Variants in MAP2K5 observed in about 807,000 individuals in gnomAD.
MAP2K5 encodes dual specificity mitogen-activated protein kinase kinase 5.
In MAP2K5, 49 loss-of-function variants were observed where a neutral mutation model predicts 83.1. That is an observed-to-expected ratio of 0.59 (90% confidence interval 0.47 to 0.75). MAP2K5 has a LOEUF of 0.75. Ranked by LOEUF, MAP2K5 falls within the 30% of genes least tolerant of loss-of-function variation. MAP2K5 has a pLI of 0.00. For synonymous variants in MAP2K5, 202 were observed against 191.8 expected (o/e 1.05, Z -0.44); for missense variants, 457 against 557.5 (o/e 0.82, Z 1.82).
chr15:67,579,618 A>G (rs1249109902), intron 3 of MAP2K5, among the ~76,000 whole-genome samples: 2 of 152,110 alleles, frequency 1.3e-5, no homozygotes, highest in Non-Finnish European at 2.9e-5. Flanking sequence ...ATTTGTTATT[A>G]GTGCGAACAG....
At chr15:67,645,471 G>C (rs1476149161) in intron 9 of MAP2K5, among the ~76,000 whole-genome samples, 1 of 152,168 alleles carries the variant, frequency 6.6e-6, no homozygotes, top group Non-Finnish European at 1.5e-5. Context: ...GCATGAGACT[G>C]TGTCTCTAAA....
At chr15:67,553,415 T>C (rs1283481988) in intron 2 of MAP2K5, among the ~76,000 whole-genome samples, 5 of 152,236 alleles carry the variant, frequency 3.3e-5, no homozygotes, top group African/African-American at 9.6e-5. Flanking sequence ...CCCATCTTCA[T>C]GTGGGCCAGT....
rs1286272860 is a variant in MAP2K5, at chr15:67,559,804, C to T, written c.185-3479C>T. On this transcript the variant is annotated intron_variant, in intron 2 of 21. Coordinates refer to ENST00000178640, the MANE Select transcript of MAP2K5 (RefSeq NM_145160.3). The surrounding 1 kb of genome is among the most constrained non-coding windows in gnomAD (Gnocchi z 4.7). The stretch of plus-strand genomic sequence containing the variant: ...TATCAGATCTGTCTGCTCCCCTACC[C>T]CCACCCCTTTTGTTGGTCATATCCG... 6.6e-6 allele frequency among the ~76,000 whole-genome samples: 1 copy of T among 152,130 alleles called. No individual in the cohort carries two copies. Among genetic ancestry groups the T allele is most frequent in the Non-Finnish European group, 1.5e-5 (1 of 68,016 alleles).
intron 8 of MAP2K5, among the ~76,000 whole-genome samples, chr15:67,605,549 T>G (rs1179216634): frequency 6.6e-6 from 1 of 152,244 alleles, no homozygotes; most frequent in Non-Finnish European, 1.5e-5. Context: ...TTTTTAATCC[T>G]AATTTATTTT....
At position 67,720,261 on chromosome 15, in the gene MAP2K5, T is replaced by TAC. The variant is rs1295957765; in HGVS notation, c.1045-7647_1045-7646dup. 1.3e-5 allele frequency among the ~76,000 whole-genome samples: 2 copies of TAC among 151,966 alleles called. No homozygotes were observed. The highest frequency in any genetic ancestry group is 4.8e-5 in the African/African-American group (2 of 41,326). ...ACAAACATAAACACACGCATATATA[T>TAC]ACACACACATATGCTTATATATACA... On this transcript the variant is annotated intron_variant, in intron 16 of 21. Coordinates refer to ENST00000178640, the MANE Select transcript of MAP2K5 (RefSeq NM_145160.3). The surrounding 1 kb of genome is among the most constrained non-coding windows in gnomAD (Gnocchi z 5.7).
chr15:67,769,927 A>T lies in MAP2K5; in HGVS notation c.1196+264A>T. 1 of 347,528 alleles carries T rather than the reference A, an allele frequency of 2.9e-6. No homozygotes were observed. Among genetic ancestry groups the T allele is most frequent in the Non-Finnish European group, 5.2e-6 (1 of 191,376 alleles). 21.5% of individuals were successfully genotyped at this position (347,528 alleles called of 1,614,324 possible). A position where few individuals can be genotyped will look rare whatever the true frequency, so the allele number is the denominator to read the frequency against. On this transcript the variant is annotated intron_variant, in intron 20 of 21. Coordinates refer to ENST00000178640, the MANE Select transcript of MAP2K5 (RefSeq NM_145160.3). This position sits in a 1 kb window ranked among gnomAD's most constrained non-coding sequence, Gnocchi z 5.2. The stretch of plus-strand genomic sequence containing the variant: ...AGTCATGATACTTCTTTAAGCACAA[A>T]TACTGTTGCCATCCTTTTTTAAAAA...
At position 67,775,297 on chromosome 15, in the gene MAP2K5, G is replaced by T. The variant is rs2090217563; in HGVS notation, c.1242+2545G>T. Among the ~76,000 whole-genome samples the T allele has an allele frequency of 6.6e-6, 1 of 152,158 alleles. No homozygotes were observed. Among genetic ancestry groups the T allele is most frequent in the Non-Finnish European group, 1.5e-5 (1 of 68,022 alleles). On this transcript the variant is annotated intron_variant, in intron 21 of 21. Transcript: ENST00000178640. The surrounding 1 kb of genome is among the most constrained non-coding windows in gnomAD (Gnocchi z 5.3). ...TTTATCCCCTCTACTTTGTATGGTT[G>T]TTCTTATGATGGTTTTCGGTCTTTA... is the stretch of plus-strand genomic sequence containing the variant.
At position 67,777,522 on chromosome 15, in the gene MAP2K5, A is replaced by G. The variant is rs75283379; in HGVS notation, c.1242+4770A>G. On this transcript the variant is annotated intron_variant, in intron 21 of 21. Coordinates refer to ENST00000178640, the MANE Select transcript of MAP2K5 (RefSeq NM_145160.3). The surrounding 1 kb of genome is among the most constrained non-coding windows in gnomAD (Gnocchi z 6.0). ...ATTCTCCCCCTCCTTTGTAGCATGCACTTCGGCTGTGGTAAAAGTACGTAT... is the reference window on the plus strand; with the variant it reads ...ATTCTCCCCCTCCTTTGTAGCATGCGCTTCGGCTGTGGTAAAAGTACGTAT... 0.012 allele frequency among the ~76,000 whole-genome samples: 1,774 copies of G among 152,308 alleles called. 10 individuals carry two copies. Among genetic ancestry groups the G allele is most frequent in the Middle Eastern group, 0.02 (6 of 294 alleles).
intron 8 of MAP2K5, among the ~76,000 whole-genome samples, chr15:67,621,884 G>C (rs1296061608): frequency 1.3e-5 from 2 of 152,126 alleles, no homozygotes; most frequent in Non-Finnish European, 2.9e-5. Flanking sequence ...TGCTAACTCT[G>C]TGAAGAATAA....
chr15:67,646,413 T>C lies in MAP2K5; in HGVS notation c.680T>C (p.Phe227Ser). 1 of 1,602,796 alleles carries C rather than the reference T, an allele frequency of 6.2e-7. No homozygotes were observed. Among genetic ancestry groups the C allele is most frequent in the Non-Finnish European group, 8.5e-7 (1 of 1,171,474 alleles). ...TGCGATTCATCATATATCATTGGAT[T>C]TTATGGAGCATTTTTTGTAGAAAAC... Reference protein sequence around the residue: ...YKCDSSYIIGFYGAFFVENRI... With the variant: ...YKCDSSYIIGSYGAFFVENRI... The change falls in exon 11 of 22, where the codon TTT becomes TCT. Residue 227 changes from phenylalanine to serine, a missense_variant. Around this residue, in one of 3 missense-constraint regions of MAP2K5, gnomAD observed 168 missense variants for 263.0 expected, o/e 0.64. Transcript: ENST00000178640.
intron 16 of MAP2K5, among the ~76,000 whole-genome samples, chr15:67,706,264 A>G (rs567142315): frequency 2.0e-5 from 3 of 152,332 alleles, no homozygotes; most frequent in African/African-American, 7.2e-5. Context: ...CCATTGATAT[A>G]TTTGGGTTCT....
At chr15:67,713,501 C>T (rs955846608) in intron 16 of MAP2K5, among the ~76,000 whole-genome samples, 1 of 152,164 alleles carries the variant, frequency 6.6e-6, no homozygotes, top group Non-Finnish European at 1.5e-5. Context: ...TTTGGAAGGC[C>T]GAGGCGGGTT....
In MAP2K5 at chr15:67,717,319, CT is replaced by C. The variant is rs2088850453; in HGVS notation, c.1045-10596del. On this transcript the variant is annotated intron_variant, in intron 16 of 21. Transcript: ENST00000178640. The surrounding 1 kb of genome is among the most constrained non-coding windows in gnomAD (Gnocchi z 4.1). ...ATTAAAAAGAAACACAAATATTAACCTAATCTCCAGTATGTCTACTGTAATA... is the reference window on the plus strand; with the variant it reads ...ATTAAAAAGAAACACAAATATTAACCAATCTCCAGTATGTCTACTGTAATA... Among the ~76,000 whole-genome samples, 1 of 152,168 alleles carries C rather than the reference CT, an allele frequency of 6.6e-6. No individual in the cohort carries two copies. Among genetic ancestry groups the C allele is most frequent in the Non-Finnish European group, 1.5e-5 (1 of 68,028 alleles).
In MAP2K5 at chr15:67,802,784, G is replaced by A. The variant is rs1026733; in HGVS notation, c.1243-3862G>A. 0.39 allele frequency among the ~76,000 whole-genome samples: 59,106 copies of A among 152,120 alleles called. 12,312 individuals carry two copies. Among genetic ancestry groups the A allele is most frequent in the East Asian group, 0.7 (3,591 of 5,156 alleles). On this transcript the variant is annotated intron_variant, in intron 21 of 21. Transcript: ENST00000178640. The surrounding 1 kb of genome is among the most constrained non-coding windows in gnomAD (Gnocchi z 5.0). ...GGGTTCCAGGGAGCTGCACCATGCC[G>A]CGCTTCCATTGTTCCTTATAGCCTG...
In MAP2K5 at chr15:67,738,551, G is replaced by C. The variant is rs1399160183; in HGVS notation, c.1075-9680G>C. Among the ~76,000 whole-genome samples the C allele has an allele frequency of 6.6e-6, 1 of 152,174 alleles. No individual in the cohort carries two copies. The highest frequency in any genetic ancestry group is 1.5e-5 in the Non-Finnish European group (1 of 68,026). On this transcript the variant is annotated intron_variant, in intron 17 of 21. Coordinates refer to ENST00000178640, the MANE Select transcript of MAP2K5 (RefSeq NM_145160.3). This position sits in a 1 kb window ranked among gnomAD's most constrained non-coding sequence, Gnocchi z 4.1. ...AGAGCTAACCTGAGTTCTGGTCTTG[G>C]CTTTTCTTATTAGTTGCTTGACCTT...
intron 8 of MAP2K5, among the ~76,000 whole-genome samples, chr15:67,613,989 C>T (rs1951331372): frequency 6.6e-6 from 1 of 152,216 alleles, no homozygotes; most frequent in Middle Eastern, 3.4e-3. Flanking sequence ...GCCATTCAAT[C>T]GATTTTCCCT....
intron 12 of MAP2K5, chr15:67,658,881 ACTT>A (rs2087160691): frequency 2.5e-6 from 1 of 407,138 alleles, no homozygotes; most frequent in South Asian, 1.8e-5. Flanking sequence ...AAAATTTCCA[ACTT>A]CTTCTGAAAA....
At chr15:67,586,521 C>G (rs921295737) in intron 5 of MAP2K5, among the ~76,000 whole-genome samples, 1 of 151,970 alleles carries the variant, frequency 6.6e-6, no homozygotes, top group Admixed American at 6.6e-5. Context: ...CACTACTAAC[C>G]CCTGGGTATA....
chr15:67,671,784 G>T (rs2087544050), intron 13 of MAP2K5, among the ~76,000 whole-genome samples: 1 of 148,846 alleles, frequency 6.7e-6, no homozygotes, highest in Non-Finnish European at 1.5e-5. Flanking sequence ...TTAGCATTAG[G>T]TATATCTCCT....
Sources: allele counts gnomAD v4.1 joint callset (sites outside exome capture counted in the v4.1 genomes callset), GRCh38; gene constraint gnomAD v4.1.1; regional missense constraint gnomAD v4.1.1; non-coding constraint Gnocchi (gnomAD v3.1); transcripts MANE v1.5; gene names NCBI Gene and HGNC (gene_info 2026-07-23, HGNC 2026-07-21).